The following AAGAB variants were observed in gnomAD, a reference collection of about 807,000 sequenced individuals.
The protein encoded by AAGAB is alpha- and gamma-adaptin-binding protein p34.
A neutral mutation model predicts 44.1 loss-of-function variants in AAGAB; 38 were observed. The ratio of observed to expected loss-of-function variants is 0.86; its 90% CI spans 0.67 to 1.13. AAGAB has a LOEUF of 1.13. Ranked by LOEUF, AAGAB falls within the 50% of genes most tolerant of loss-of-function variation. AAGAB has a pLI of 0.00. For missense variants in AAGAB, 450 were observed against 373.8 expected, an observed-to-expected ratio of 1.20 and a Z score of -1.68; for synonymous variants, 131 against 131.8, an observed-to-expected ratio of 0.99 and a Z score of 0.04.
chr15:67,253,069 C>T (rs764303903), intron 1 of AAGAB, among the ~76,000 whole-genome samples: 2 of 152,152 alleles, frequency 1.3e-5, no homozygotes, highest in Non-Finnish European at 2.9e-5. Context: ...CAAATGTTTA[C>T]TATGTGCCAG....
intron 5 of AAGAB, among the ~76,000 whole-genome samples, chr15:67,231,473 T>C (rs751598246): frequency 7.9e-5 from 12 of 152,214 alleles, no homozygotes; most frequent in Admixed American, 4.6e-4. Context: ...TTGCCTTGCA[T>C]AGTTCCCTGG....
rs12476 is a variant in AAGAB at position 67,201,388 on chromosome 15, T to C, written c.*1433A>G. 0.21 allele frequency: 31,837 copies of C among 152,370 alleles called. 4,049 individuals are homozygous for C. Among genetic ancestry groups the C allele is most frequent in the East Asian group, 0.45 (2,404 of 5,316 alleles). The allele number at this position is 152,370 out of a possible 1,614,324, so 9.4% of individuals were successfully genotyped here. On this transcript the variant is annotated 3_prime_UTR_variant, in exon 10 of 10. Coordinates refer to ENST00000261880, the MANE Select transcript of AAGAB (RefSeq NM_024666.5). ...TCCAGTCACTGAGCTGTCCCCTCCC[T>C]GTGGTCACTCCTGCTGGCCCCTGTA... is the stretch of plus-strand genomic sequence containing the variant.
intron 5 of AAGAB, among the ~76,000 whole-genome samples, chr15:67,219,322 G>T (rs1964017232): frequency 1.3e-5 from 2 of 152,068 alleles, no homozygotes; most frequent in Admixed American, 1.3e-4. Context: ...TGCCCCTCAA[G>T]AATTAATGTT....
At chr15:67,212,580 T>C (rs1163842263) in intron 5 of AAGAB, among the ~76,000 whole-genome samples, 1 of 152,214 alleles carries the variant, frequency 6.6e-6, no homozygotes, top group African/African-American at 2.4e-5. Context: ...AGAAGGACTT[T>C]TGCTCATATT....
chr15:67,201,497 CT>C lies in AAGAB; in HGVS notation c.*1323del. On this transcript the variant is annotated 3_prime_UTR_variant, in exon 10 of 10. Coordinates refer to ENST00000261880, the MANE Select transcript of AAGAB (RefSeq NM_024666.5). ...GGAGGGGTGTGAGCCTTATTTCTTT[CT>C]GCTCCTAACCCAACCTGTTTCTTTC... 6.6e-6 allele frequency: 1 copy of C among 152,448 alleles called. No individual in the cohort carries two copies. Among genetic ancestry groups the C allele is most frequent in the Non-Finnish European group, 1.5e-5 (1 of 68,078 alleles). The allele number at this position is 152,448 out of a possible 1,614,324, so 9.4% of individuals were successfully genotyped here.
chr15:67,208,991 A>G (rs1034670654), intron 6 of AAGAB, among the ~76,000 whole-genome samples: 8 of 152,202 alleles, frequency 5.3e-5, no homozygotes, highest in Non-Finnish European at 1.2e-4. Flanking sequence ...GGCTGTTGAA[A>G]AAGATCCCTG....
chr15:67,223,849 C>T (rs1004872484), intron 5 of AAGAB, among the ~76,000 whole-genome samples: 11 of 152,200 alleles, frequency 7.2e-5, no homozygotes, highest in African/African-American at 2.4e-4. Flanking sequence ...TCCTGATATC[C>T]TTCAAATGCA....
chr15:67,216,534 GT>G lies in AAGAB; in HGVS notation c.536-6991del, dbSNP rs1162563402. ...CTGGTATTTTGTCTTCCTAGTTGTTGTTTTTTTTTTTCCCTATGCACACATA... is the reference window on the plus strand; with the variant it reads ...CTGGTATTTTGTCTTCCTAGTTGTTGTTTTTTTTTTCCCTATGCACACATA... On this transcript the variant is annotated intron_variant, in intron 5 of 9. Transcript: ENST00000261880. Among the ~76,000 whole-genome samples the G allele has an allele frequency of 6.3e-3, 851 of 134,558 alleles. 3 individuals are homozygous for G. The highest frequency in any genetic ancestry group is 0.021 in the East Asian group (94 of 4,480). The allele number at this position is 134,558 out of a possible 152,430, so 88.3% of individuals were successfully genotyped here.
intron 1 of AAGAB, among the ~76,000 whole-genome samples, chr15:67,241,634 C>T (rs1159573120): frequency 6.6e-6 from 1 of 152,124 alleles, no homozygotes; most frequent in Admixed American, 6.5e-5. Context: ...GGCAGATTAA[C>T]CTCTCGGTGT....
chr15:67,218,646 A>C (rs930757920), intron 5 of AAGAB, among the ~76,000 whole-genome samples: 1 of 152,206 alleles, frequency 6.6e-6, no homozygotes, highest in Non-Finnish European at 1.5e-5. Context: ...ATCTCACTGG[A>C]GACCAAAGAG....
chr15:67,227,746 T>C (rs77391039), intron 5 of AAGAB, among the ~76,000 whole-genome samples: 1 of 152,284 alleles, frequency 6.6e-6, no homozygotes, highest in East Asian at 1.9e-4. Flanking sequence ...CATATATCCA[T>C]AGAAAGCTTT....
At chr15:67,207,107 T>G (rs1683966731) in intron 7 of AAGAB, among the ~76,000 whole-genome samples, 1 of 152,174 alleles carries the variant, frequency 6.6e-6, no homozygotes. Context: ...GGAGAATCGC[T>G]TGAACCCAGG....
intron 7 of AAGAB, among the ~76,000 whole-genome samples, chr15:67,207,218 A>C (rs986346798): frequency 2.0e-5 from 3 of 151,864 alleles, no homozygotes; most frequent in Non-Finnish European, 4.4e-5. Flanking sequence ...AAACACAACA[A>C]CACACACACA....
intron 1 of AAGAB, among the ~76,000 whole-genome samples, chr15:67,251,823 T>C: frequency 6.6e-6 from 1 of 152,252 alleles, no homozygotes; most frequent in East Asian, 1.9e-4. Flanking sequence ...AACCTGTGAT[T>C]AATTTAATCC....
chr15:67,239,030 A>AT (rs922592524), intron 1 of AAGAB, among the ~76,000 whole-genome samples: 3 of 152,166 alleles, frequency 2.0e-5, no homozygotes, highest in Non-Finnish European at 2.9e-5. Flanking sequence ...CAAACTGAGT[A>AT]TTTTTTAAAG....
At chr15:67,212,619 CAA>C (rs1491125891) in intron 5 of AAGAB, among the ~76,000 whole-genome samples, 1 of 152,158 alleles carries the variant, frequency 6.6e-6, no homozygotes, top group African/African-American at 2.4e-5. Context: ...AGTCAACTAA[CAA>C]GAGAGTTCAT....
upstream of AAGAB, chr15:67,254,888 G>A (rs150409242): frequency 1.2e-3 from 1,897 of 1,613,486 alleles, 20 homozygotes; most frequent in African/African-American, 0.023. Flanking sequence ...GCCGTTCCCT[G>A]ACCTAGCCAT....
In AAGAB at chr15:67,254,360, C is replaced by G. The variant is rs370192433; in HGVS notation, c.73+199G>C. 50 of 1,369,578 alleles carry G rather than the reference C, an allele frequency of 3.7e-5. 2 individuals carry two copies. The South Asian group carries it at 8.5e-4, about 23-fold the overall frequency. The allele number at this position is 1,369,578 out of a possible 1,614,324, so 84.8% of individuals were successfully genotyped here. A position where few individuals can be genotyped will look rare whatever the true frequency, so the allele number is the denominator to read the frequency against. ...TTACACAGGAAGCCGAAAGGAACGCCGAAGAAGGCCGAGTGGGCAGAAAAG... is the reference window on the plus strand; with the variant it reads ...TTACACAGGAAGCCGAAAGGAACGCGGAAGAAGGCCGAGTGGGCAGAAAAG... On this transcript the variant is annotated intron_variant, in intron 1 of 9. Coordinates refer to ENST00000261880, the MANE Select transcript of AAGAB (RefSeq NM_024666.5).
At chr15:67,206,971 C>T (rs1410505675) in intron 7 of AAGAB, among the ~76,000 whole-genome samples, 5 of 152,096 alleles carry the variant, frequency 3.3e-5, no homozygotes, top group South Asian at 2.1e-4. Flanking sequence ...CACCTGAGGT[C>T]GGGAGTTTGA....
Sources: gnomAD v4.1 joint callset for allele counts (sites outside exome capture counted in the v4.1 genomes callset) on GRCh38, gnomAD v4.1.1 for gene constraint, MANE v1.5 for transcripts, NCBI Gene and HGNC (gene_info 2026-07-23, HGNC 2026-07-21) for gene names.